The following SLC37A1 variants were observed in gnomAD, a reference collection of about 807,000 sequenced individuals.
SLC37A1 encodes the protein solute carrier family 37 member 1.
SLC37A1 carries 49 observed loss-of-function variants against 75.3 expected under a neutral mutation model. The observed-to-expected ratio is 0.65, with a 90% CI of 0.52 to 0.83. The LOEUF (loss-of-function observed/expected upper bound fraction) is 0.83. SLC37A1 is among the 40% of genes least tolerant of loss of function. The probability of loss-of-function intolerance (pLI) is 0.00; values close to 1 mark genes in which losing one functional copy is unlikely to be tolerated. For synonymous variants in SLC37A1, 268 were observed against 292.1 expected (o/e 0.92, Z 0.84); for missense variants, 566 against 695.0 (o/e 0.81, Z 2.09).
chr21:42,505,361 TTC>T (rs2054374907), intron 2 of SLC37A1, among the ~76,000 whole-genome samples: 2 of 152,180 alleles, frequency 1.3e-5, no homozygotes, highest in Admixed American at 1.3e-4. Context: ...ATGCTGTTTG[TTC>T]TCTGCTTGGA....
At chr21:42,500,203 T>C (rs1178206558) in intron 1 of SLC37A1, among the ~76,000 whole-genome samples, 2 of 152,276 alleles carry the variant, frequency 1.3e-5, no homozygotes, top group Non-Finnish European at 2.9e-5. Context: ...AGGTTGTTTA[T>C]TAGAATAATT....
chr21:42,517,421 G>C lies in SLC37A1; in HGVS notation c.-178-856G>C, dbSNP rs184625909. Among the ~76,000 whole-genome samples, 169 of 152,320 alleles carry C rather than the reference G, an allele frequency of 1.1e-3. 2 individuals carry two copies. Among genetic ancestry groups the C allele is most frequent in the African/African-American group, 3.8e-3 (159 of 41,562 alleles). On this transcript the variant is annotated intron_variant, in intron 1 of 19. Coordinates refer to ENST00000352133, the MANE Select transcript of SLC37A1 (RefSeq NM_001320537.2). ...AGAAGAGATGAGGGGCGGCTCCTGGGACGAAAGCTCAGCAGGGATTTTGAA... is the reference window on the plus strand; with the variant it reads ...AGAAGAGATGAGGGGCGGCTCCTGGCACGAAAGCTCAGCAGGGATTTTGAA...
At chr21:42,574,368 C>T (rs1382894130) in intron 17 of SLC37A1, among the ~76,000 whole-genome samples, 3 of 152,244 alleles carry the variant, frequency 2.0e-5, no homozygotes, top group South Asian at 4.1e-4. Context: ...TGTCAACACA[C>T]ATTTTTAGGA....
intron 17 of SLC37A1, among the ~76,000 whole-genome samples, chr21:42,573,170 G>A (rs561976946): frequency 2.1e-5 from 3 of 144,554 alleles, no homozygotes; most frequent in Non-Finnish European, 4.4e-5. Flanking sequence ...TGTCCTGCAC[G>A]GGGGCATCAG....
intron 15 of SLC37A1, among the ~76,000 whole-genome samples, chr21:42,566,601 A>G (rs73375833): frequency 0.01 from 1,584 of 152,214 alleles, 28 homozygotes; most frequent in African/African-American, 0.036. Flanking sequence ...AAGCTTCCTC[A>G]CCTGAGTGTG....
intron 17 of SLC37A1, among the ~76,000 whole-genome samples, chr21:42,568,875 G>T (rs1047122649): frequency 6.6e-6 from 1 of 152,256 alleles, no homozygotes; most frequent in African/African-American, 2.4e-5. Context: ...TAAAAAGGTG[G>T]CAGAATAAGC....
At chr21:42,573,443 CTG>C (rs2056235486) in intron 17 of SLC37A1, among the ~76,000 whole-genome samples, 1 of 152,146 alleles carries the variant, frequency 6.6e-6, no homozygotes. Context: ...ACACTGGAGG[CTG>C]TGTTAGCTGT....
upstream of SLC37A1, among the ~76,000 whole-genome samples, chr21:42,513,388 G>GGAGT (rs2054460192): frequency 3.3e-5 from 5 of 152,366 alleles, no homozygotes; most frequent in South Asian, 1.0e-3. Flanking sequence ...TCCACGCTAT[G>GGAGT]GAGTGCTAGT....
At chr21:42,566,954 T>A (rs776297829) in intron 15 of SLC37A1, 31 bp from the exon 16 acceptor site, 1 of 1,596,810 alleles carries the variant, frequency 6.3e-7, no homozygotes, top group Non-Finnish European at 8.5e-7. Context: ...GGAGGGCACA[T>A]TTCCATTCTT....
At chr21:42,510,247 C>T (rs189915803), upstream of SLC37A1, among the ~76,000 whole-genome samples, 4 of 152,202 alleles carry the variant, frequency 2.6e-5, no homozygotes, top group Admixed American at 6.5e-5. Context: ...AGGATAGTCT[C>T]GATCTCCTGA....
chr21:42,520,755 A>C (rs542757952), intron 2 of SLC37A1, among the ~76,000 whole-genome samples: 73 of 152,300 alleles, frequency 4.8e-4, no homozygotes, highest in Non-Finnish European at 8.1e-4. Context: ...TCTGCATGGC[A>C]TCTCCCACTA....
At chr21:42,557,337 G>A (rs533938589) in intron 10 of SLC37A1, among the ~76,000 whole-genome samples, 1 of 152,392 alleles carries the variant, frequency 6.6e-6, no homozygotes, top group East Asian at 1.9e-4. Flanking sequence ...GCCCCCCGAG[G>A]AGATTCCAGT....
chr21:42,526,780 C>T (rs927970096), intron 3 of SLC37A1, among the ~76,000 whole-genome samples: 1 of 152,200 alleles, frequency 6.6e-6, no homozygotes, highest in Non-Finnish European at 1.5e-5. Context: ...AAGCAAGAAA[C>T]TTCCATGCCT....
intron 10 of SLC37A1, among the ~76,000 whole-genome samples, chr21:42,557,295 C>T (rs1053721356): frequency 1.2e-4 from 18 of 152,230 alleles, no homozygotes; most frequent in South Asian, 4.1e-4. Flanking sequence ...GGACTGCTTC[C>T]GTGGGGCTGG....
chr21:42,558,419 C>A (rs1302255955), intron 10 of SLC37A1, among the ~76,000 whole-genome samples: 9 of 152,166 alleles, frequency 5.9e-5, no homozygotes. Flanking sequence ...ATAATTCCAC[C>A]ACTCGCTGAC....
At chr21:42,572,884 A>C (rs541589343) in intron 17 of SLC37A1, among the ~76,000 whole-genome samples, 1 of 152,128 alleles carries the variant, frequency 6.6e-6, no homozygotes, top group South Asian at 2.1e-4. Context: ...TTGCCCCTTC[A>C]TCACTTCCCA....
intron 2 of SLC37A1, among the ~76,000 whole-genome samples, chr21:42,525,486 C>G (rs2054765933): frequency 6.6e-6 from 1 of 152,208 alleles, no homozygotes; most frequent in Non-Finnish European, 1.5e-5. Context: ...TGGGGAAAAC[C>G]CCTACACACG....
At chr21:42,542,144 T>C (rs890895861) in intron 6 of SLC37A1, among the ~76,000 whole-genome samples, 1 of 152,200 alleles carries the variant, frequency 6.6e-6, no homozygotes, top group Non-Finnish European at 1.5e-5. Flanking sequence ...GGGTTTTTTT[T>C]CCTCGCTTTT....
intron 17 of SLC37A1, among the ~76,000 whole-genome samples, chr21:42,569,918 G>A (rs143578593): frequency 0.034 from 5,106 of 152,378 alleles, 130 homozygotes; most frequent in Non-Finnish European, 0.051. Flanking sequence ...CCAGCCCTGG[G>A]TGGCGGGAAC....
Sources: gnomAD v4.1 joint callset for allele counts (sites outside exome capture counted in the v4.1 genomes callset) on GRCh38, gnomAD v4.1.1 for gene constraint, MANE v1.5 for transcripts, NCBI Gene and HGNC (gene_info 2026-07-23, HGNC 2026-07-21) for gene names.